TAPT1: variants seen among roughly 807,000 people sequenced by gnomAD.
TAPT1 encodes transmembrane anterior posterior transformation protein 1 homolog.
TAPT1 carries 28 observed loss-of-function variants against 65.6 expected under a neutral mutation model. That is an observed-to-expected ratio of 0.43 (90% CI 0.32 to 0.59). TAPT1 has a LOEUF of 0.59. Ranked by LOEUF, TAPT1 falls within the 20% of genes least tolerant of loss-of-function variation. The probability of loss-of-function intolerance (pLI) is 0.09; values close to 1 mark genes in which losing one functional copy is unlikely to be tolerated. For missense variants in TAPT1, 563 were observed against 679.9 expected (o/e 0.83, Z 1.91); for synonymous variants, 278 against 245.2 (o/e 1.13, Z -1.25).
chr4:16,203,094 T>C (rs1197562667), intron 2 of TAPT1, among the ~76,000 whole-genome samples: 1 of 152,212 alleles, frequency 6.6e-6, no homozygotes, highest in Admixed American at 6.5e-5. Flanking sequence ...ATATTTCTCC[T>C]CCTTTCTTGA....
chr4:16,215,653 C>T (rs1030216570), intron 1 of TAPT1, among the ~76,000 whole-genome samples: 4 of 152,158 alleles, frequency 2.6e-5, no homozygotes, highest in African/African-American at 7.2e-5. Flanking sequence ...CTACATGTGT[C>T]GTACTTTCTC....
In TAPT1 at chr4:16,179,678, A is replaced by G. The variant is rs78772026; in HGVS notation, c.917-21T>C. 5.7e-3 allele frequency: 7,563 copies of G among 1,327,140 alleles called. 258 individuals are homozygous for G. The African/African-American group carries it at 0.086, about 15-fold the overall frequency. 82.2% of individuals were successfully genotyped at this position (1,327,140 alleles called of 1,614,324 possible). A position where few individuals can be genotyped will look rare whatever the true frequency, so the allele number is the denominator to read the frequency against. ...AATATCTAAAAGAAAAAAAATCAACATAAGTACTGTAGTGTATATAAACAA... is the reference window on the plus strand; with the variant it reads ...AATATCTAAAAGAAAAAAAATCAACGTAAGTACTGTAGTGTATATAAACAA... On this transcript the variant is annotated intron_variant, in intron 7 of 13. Coordinates refer to ENST00000405303, the MANE Select transcript of TAPT1 (RefSeq NM_153365.3).
chr4:16,197,816 T>C (rs1010561028), intron 3 of TAPT1, among the ~76,000 whole-genome samples: 3 of 152,250 alleles, frequency 2.0e-5, no homozygotes, highest in African/African-American at 7.2e-5. Flanking sequence ...TATACATAAG[T>C]GAATCTGCTT....
chr4:16,221,202 C>T (rs1578489594), intron 1 of TAPT1, among the ~76,000 whole-genome samples: 2 of 152,164 alleles, frequency 1.3e-5, no homozygotes, highest in South Asian at 4.1e-4. Flanking sequence ...CTCACTGCAA[C>T]CTCCACCTCC....
intron 3 of TAPT1, among the ~76,000 whole-genome samples, chr4:16,194,402 C>T (rs1749564265): frequency 6.6e-6 from 1 of 152,156 alleles, no homozygotes; most frequent in Admixed American, 6.5e-5. Context: ...ATTAAGTTCC[C>T]ACACGGTGCA....
intron 4 of TAPT1, 83 bp downstream of exon 4, chr4:16,191,278 C>T: frequency 7.2e-7 from 1 of 1,396,394 alleles, no homozygotes; most frequent in African/African-American, 1.4e-5. Flanking sequence ...GTAGAGCATT[C>T]TTGACTCTCA....
At chr4:16,194,676 T>A (rs1436245853) in intron 3 of TAPT1, among the ~76,000 whole-genome samples, 2 of 152,176 alleles carry the variant, frequency 1.3e-5, no homozygotes, top group Non-Finnish European at 2.9e-5. Flanking sequence ...TTATGATATA[T>A]ATACGATATA....
chr4:16,179,826 GTA>G lies in TAPT1; in HGVS notation c.917-171_917-170del, dbSNP rs35704521. ...TATGTGTGTGTGTGTGTGTGTGTGT[GTA>G]TATATAGGCTGGTGCTACCATGGTA... On this transcript the variant is annotated intron_variant, in intron 7 of 13. Transcript: ENST00000405303. 0.014 allele frequency among the ~76,000 whole-genome samples: 1,879 copies of G among 136,092 alleles called. 36 individuals carry two copies. Among genetic ancestry groups the G allele is most frequent in the African/African-American group, 0.051 (1,771 of 34,630 alleles). 89.3% of individuals were successfully genotyped at this position (136,092 alleles called of 152,430 possible). A position where few individuals can be genotyped will look rare whatever the true frequency, so the allele number is the denominator to read the frequency against.
chr4:16,197,477 G>A (rs1749779673), intron 3 of TAPT1, among the ~76,000 whole-genome samples: 1 of 152,074 alleles, frequency 6.6e-6, no homozygotes. Context: ...GAATTCTAAA[G>A]CACAAAACGA....
chr4:16,199,677 G>A (rs530855986), intron 3 of TAPT1, among the ~76,000 whole-genome samples: 3 of 151,986 alleles, frequency 2.0e-5, no homozygotes, highest in East Asian at 1.9e-4. Context: ...CTGCAGCCTC[G>A]AATTCCTGGG....
intron 3 of TAPT1, among the ~76,000 whole-genome samples, chr4:16,193,899 TGTTA>T (rs1265531399): frequency 6.6e-6 from 1 of 152,240 alleles, no homozygotes; most frequent in Non-Finnish European, 1.5e-5. Context: ...TATTAATTTG[TGTTA>T]ATTATGAAAA....
At chr4:16,213,252 A>T (rs1377337729) in intron 2 of TAPT1, among the ~76,000 whole-genome samples, 1 of 152,200 alleles carries the variant, frequency 6.6e-6, no homozygotes. Context: ...ACACGTGAAG[A>T]TGTAGTGCTG....
chr4:16,164,699 G>A (rs1321617012), intron 13 of TAPT1, among the ~76,000 whole-genome samples: 1 of 152,108 alleles, frequency 6.6e-6, no homozygotes, highest in African/African-American at 2.4e-5. Context: ...CCAAAGTGCT[G>A]GGATTATTAA....
At chr4:16,168,936 C>T (rs1662653) in intron 12 of TAPT1, among the ~76,000 whole-genome samples, 33,394 of 152,144 alleles carry the variant, frequency 0.22, 4,561 homozygotes, top group African/African-American at 0.38. Context: ...GAGGAGAAAC[C>T]GGGTGTGGTG....
intron 7 of TAPT1, among the ~76,000 whole-genome samples, chr4:16,184,717 A>G (rs1357918015): frequency 6.6e-6 from 1 of 152,154 alleles, no homozygotes; most frequent in Non-Finnish European, 1.5e-5. Flanking sequence ...ATTTTCCCTA[A>G]TAATGCCGAG....
At chr4:16,204,327 T>A (rs549595606) in intron 2 of TAPT1, among the ~76,000 whole-genome samples, 1 of 152,348 alleles carries the variant, frequency 6.6e-6, no homozygotes, top group South Asian at 2.1e-4. Flanking sequence ...TCAAACTGAC[T>A]ACAGAAAGCT....
chr4:16,225,330 T>C (rs1327341061), intron 1 of TAPT1, among the ~76,000 whole-genome samples: 5 of 152,228 alleles, frequency 3.3e-5, no homozygotes, highest in Admixed American at 2.6e-4. Flanking sequence ...ACTTAGTTAT[T>C]TGCATGAACT....
chr4:16,222,228 T>C (rs943188656), intron 1 of TAPT1, among the ~76,000 whole-genome samples: 1 of 152,200 alleles, frequency 6.6e-6, no homozygotes, highest in African/African-American at 2.4e-5. Context: ...GTAAACTAAG[T>C]TAAAGTTAAA....
chr4:16,186,667 C>G, intron 6 of TAPT1, 63 bp from the exon 7 acceptor site: 1 of 1,374,264 alleles, frequency 7.3e-7, no homozygotes. Flanking sequence ...GGACTTGCTA[C>G]TTATAAAACT....
Sources: gnomAD v4.1 joint callset for allele counts (sites outside exome capture counted in the v4.1 genomes callset) on GRCh38, gnomAD v4.1.1 for gene constraint, MANE v1.5 for transcripts, NCBI Gene and HGNC (gene_info 2026-07-23, HGNC 2026-07-21) for gene names.